APC: variants seen among roughly 807,000 people sequenced by gnomAD.
APC encodes the protein APC regulator of Wnt signaling pathway.
Under a neutral mutation model 247.0 loss-of-function variants are expected in APC, and 72 were observed. The ratio of observed to expected loss-of-function variants is 0.29; its 90% CI spans 0.24 to 0.35. The LOEUF (loss-of-function observed/expected upper bound fraction) is 0.35, where lower values mean the gene tolerates loss of function less well. Ranked by LOEUF, APC falls within the 10% of genes least tolerant of loss-of-function variation. APC has a pLI of 1.00. For missense variants in APC, 3,400 were observed against 3,360.7 expected (o/e 1.01, Z -0.29); for synonymous variants, 1,254 against 1,162.5 (o/e 1.08, Z -1.60).
intron 1 of APC, among the ~76,000 whole-genome samples, chr5:112,728,780 T>TG (rs1476961934): frequency 6.6e-6 from 1 of 152,140 alleles, no homozygotes; most frequent in African/African-American, 2.4e-5. Flanking sequence ...TTAGTAACAG[T>TG]GTGCATATGA....
intron 6 of APC, among the ~76,000 whole-genome samples, chr5:112,786,857 C>T (rs910324242): frequency 1.3e-4 from 19 of 150,556 alleles, no homozygotes; most frequent in Non-Finnish European, 1.6e-4. Context: ...GTCTCTTTTG[C>T]AACTACTCAA....
chr5:112,769,155 A>G (rs1355788965), intron 4 of APC, among the ~76,000 whole-genome samples: 7 of 148,362 alleles, frequency 4.7e-5, no homozygotes, highest in East Asian at 2.0e-4. Context: ...GGTTCAAGCA[A>G]TTCTCATGTC....
In APC at chr5:112,839,062, A is replaced by T. The variant is rs878853440; in HGVS notation, c.3468A>T (p.Glu1156Asp). 6.2e-7 allele frequency: 1 copy of T among 1,614,032 alleles called. No homozygotes were observed. The highest frequency in any genetic ancestry group is 8.5e-7 in the Non-Finnish European group (1 of 1,180,018). ...CTGAAGAAGAACAGCATGAAGAAGA[A>T]GAGAGACCAACAAATTATAGCATAA... is the stretch of plus-strand genomic sequence containing the variant. ...RYSEEEQHEE[E>D]ERPTNYSIKY... The change falls in exon 16 of 16, where the codon GAA becomes GAT. Residue 1156 changes from glutamate (E) to aspartate (D), a missense_variant. Physicochemically the swap from Glu to Asp is conservative, Grantham distance 45 (BLOSUM62 2). Around this residue, in one of 9 missense-constraint regions of APC, gnomAD observed 715 missense variants for 656.6 expected, o/e 1.09. Coordinates refer to ENST00000257430, the MANE Select transcript of APC (RefSeq NM_000038.6). This position sits in a 1 kb window ranked among gnomAD's most constrained non-coding sequence, Gnocchi z 5.0.
intron 7 of APC, among the ~76,000 whole-genome samples, chr5:112,792,794 C>G (rs1289962555): frequency 1.3e-5 from 2 of 151,814 alleles, no homozygotes; most frequent in Non-Finnish European, 2.9e-5. Context: ...AAATAGTTAA[C>G]TTAATTTGGC....
intron 1 of APC, among the ~76,000 whole-genome samples, chr5:112,739,697 T>C (rs1044207207): frequency 2.0e-5 from 3 of 152,028 alleles, no homozygotes; most frequent in African/African-American, 7.2e-5. Flanking sequence ...AGCAAGACCC[T>C]ATCTCAAAAA....
intron 1 of APC, among the ~76,000 whole-genome samples, chr5:112,709,951 T>C (rs920494542): frequency 6.6e-5 from 10 of 152,176 alleles, no homozygotes; most frequent in African/African-American, 2.4e-4. Flanking sequence ...TGGAATTTGG[T>C]ATTTTTTCCT....
chr5:112,745,588 G>T (rs954910914), intron 1 of APC, among the ~76,000 whole-genome samples: 2 of 150,966 alleles, frequency 1.3e-5, no homozygotes, highest in Admixed American at 1.3e-4. Context: ...TTTTGAGACG[G>T]AGTCTCACTC....
chr5:112,821,727 G>A (rs1481963940), intron 10 of APC, among the ~76,000 whole-genome samples, 169 bp from the exon 11 acceptor site: 1 of 151,888 alleles, frequency 6.6e-6, no homozygotes, highest in African/African-American at 2.4e-5. Context: ...CCTATTTTTT[G>A]TTCCACATTT....
At chr5:112,715,981 A>T (rs1452243741) in intron 1 of APC, among the ~76,000 whole-genome samples, 1 of 152,192 alleles carries the variant, frequency 6.6e-6, no homozygotes, top group African/African-American at 2.4e-5. Context: ...CCCTTTTCAT[A>T]TCTGACGTAG....
chr5:112,778,487 A>C (rs1757935083), intron 5 of APC: 1 of 151,714 alleles, frequency 6.6e-6, no homozygotes, highest in Non-Finnish European at 1.5e-5. Context: ...AAAAAAGAAA[A>C]TTATATAATC....
intron 2 of APC, among the ~76,000 whole-genome samples, chr5:112,764,927 A>C (rs968177045): frequency 1.3e-5 from 2 of 152,182 alleles, no homozygotes; most frequent in African/African-American, 4.8e-5. Flanking sequence ...TCACTGAGCA[A>C]ATTTGTTTTC....
intron 4 of APC, among the ~76,000 whole-genome samples, chr5:112,768,789 T>C (rs1465205498): frequency 6.6e-6 from 1 of 152,036 alleles, no homozygotes; most frequent in African/African-American, 2.4e-5. Flanking sequence ...CACAGTCCTG[T>C]ACAGTAGCGT....
At chr5:112,743,250 A>G (rs1361990095) in intron 1 of APC, among the ~76,000 whole-genome samples, 3 of 152,176 alleles carry the variant, frequency 2.0e-5, no homozygotes, top group East Asian at 1.9e-4. Flanking sequence ...AACCTTTGTG[A>G]TTACATTGGG....
chr5:112,780,965 A>G, intron 6 of APC, 62 bp downstream of exon 6: 1 of 1,084,626 alleles, frequency 9.2e-7, no homozygotes, highest in Non-Finnish European at 1.4e-6. Flanking sequence ...AATGAATTAC[A>G]GCTCTGTTAA....
chr5:112,713,337 T>G (rs756921130), intron 1 of APC, among the ~76,000 whole-genome samples: 16 of 152,048 alleles, frequency 1.1e-4, no homozygotes, highest in South Asian at 2.1e-4. Context: ...CCATCATGGT[T>G]GCAGATGGCT....
At chr5:112,770,989 T>G (rs1165817945) in intron 4 of APC, among the ~76,000 whole-genome samples, 7 of 152,286 alleles carry the variant, frequency 4.6e-5, no homozygotes, top group Admixed American at 1.3e-4. Context: ...TGTTAACAGT[T>G]ACATCATACT....
chr5:112,841,980 C>T lies in APC; in HGVS notation c.6386C>T (p.Ser2129Leu), dbSNP rs587782301. 2.5e-6 allele frequency: 4 copies of T among 1,613,028 alleles called. No homozygotes were observed. Among genetic ancestry groups the T allele is most frequent in the Non-Finnish European group, 3.4e-6 (4 of 1,179,112 alleles). The change falls in exon 16 of 16, where the codon TCG becomes TTG. Residue 2129 changes from serine to leucine, a missense_variant. This residue lies in a region of APC where 1,788 missense variants were observed against 1,649.5 expected (regional missense o/e 1.08). Transcript: ENST00000257430. The surrounding 1 kb of genome is among the most constrained non-coding windows in gnomAD (Gnocchi z 4.6). ...GCTGCATGTTTATCTAGACAAGCTT[C>T]GTCTGATTCAGATTCCATCCTTTCC... ...AAAACLSRQASSDSDSILSLK... is the reference protein window; with the variant it reads ...AAAACLSRQALSDSDSILSLK...
At chr5:112,822,789 C>T (rs1167457098) in intron 11 of APC, among the ~76,000 whole-genome samples, 1 of 152,196 alleles carries the variant, frequency 6.6e-6, no homozygotes, top group Non-Finnish European at 1.5e-5. Context: ...GTTTATGTTA[C>T]ATTATGTTCC....
At position 112,759,796 on chromosome 5, in the gene APC, T is replaced by C. The variant is rs535190644; in HGVS notation, c.135+4771T>C. ...ATATTCTCTCCTTCAAAATTACATA[T>C]GTATTTAAAAGCTGCCACTTCTCAA... On this transcript the variant is annotated intron_variant, in intron 2 of 15. Coordinates refer to ENST00000257430, the MANE Select transcript of APC (RefSeq NM_000038.6). Among the ~76,000 whole-genome samples, 3 of 152,370 alleles carry C rather than the reference T, an allele frequency of 2.0e-5. No individual in the cohort carries two copies. In the East Asian group the frequency reaches 5.8e-4, roughly 29 times the overall value.
Sources: gnomAD v4.1 joint callset for allele counts (sites outside exome capture counted in the v4.1 genomes callset) on GRCh38, gnomAD v4.1.1 for gene constraint, gnomAD v4.1.1 regional missense constraint, Gnocchi (gnomAD v3.1) non-coding constraint, MANE v1.5 for transcripts, NCBI Gene and HGNC (gene_info 2026-07-23, HGNC 2026-07-21) for gene names.